The following SMURF2 variants were observed in gnomAD, a reference collection of about 807,000 sequenced individuals.
SMURF2 encodes the protein E3 ubiquitin-protein ligase SMURF2.
In SMURF2, 48 loss-of-function variants were observed where a neutral mutation model predicts 109.6. That is an observed-to-expected ratio of 0.44 (90% CI 0.35 to 0.56). The LOEUF is 0.56. Among genes scored for constraint, SMURF2 ranks in the 20% least tolerant of loss-of-function variants. The probability of loss-of-function intolerance (pLI) is 0.01; values close to 1 mark genes in which losing one functional copy is unlikely to be tolerated. For missense variants in SMURF2, 575 were observed against 909.0 expected (o/e 0.63, Z 4.72); for synonymous variants, 288 against 317.1 (o/e 0.91, Z 0.97).
rs144085396 is a variant in SMURF2 at position 64,549,341 on chromosome 17, G to C, written c.1870-1540C>G. ...GTGCACACCTGTAGTACCAGTTACT[G>C]GGGAGACTGAGGTAGGAGGATCACT... is the stretch of plus-strand genomic sequence containing the variant. On this transcript the variant is annotated intron_variant, in intron 16 of 18. Transcript: ENST00000262435. Among the ~76,000 whole-genome samples, 310 of 149,384 alleles carry C rather than the reference G, an allele frequency of 2.1e-3. 1 individual carries two copies. Among genetic ancestry groups the C allele is most frequent in the African/African-American group, 7.4e-3 (300 of 40,472 alleles).
intron 1 of SMURF2, among the ~76,000 whole-genome samples, chr17:64,660,102 T>C (rs1220608247): frequency 2.0e-5 from 3 of 152,214 alleles, no homozygotes. Flanking sequence ...TCATAGGCAG[T>C]ACGGAAACCA....
intron 10 of SMURF2, among the ~76,000 whole-genome samples, chr17:64,564,737 A>C (rs1223962292): frequency 6.6e-6 from 1 of 152,212 alleles, no homozygotes; most frequent in African/African-American, 2.4e-5. Flanking sequence ...CATGGAACAG[A>C]TTCTCTCTCA....
intron 1 of SMURF2, among the ~76,000 whole-genome samples, chr17:64,630,195 C>T (rs782116869): frequency 1.4e-4 from 21 of 151,764 alleles, no homozygotes; most frequent in Non-Finnish European, 2.6e-4. Flanking sequence ...GAGATCGCAC[C>T]ACTGTACTCC....
At chr17:64,552,696 C>CT (rs1218160951) in intron 15 of SMURF2, among the ~76,000 whole-genome samples, 87 of 152,122 alleles carry the variant, frequency 5.7e-4, no homozygotes, top group African/African-American at 2.0e-3. Flanking sequence ...CTCATTTGTT[C>CT]TTTTTTTATT....
At chr17:64,658,549 G>A (rs1164688927) in intron 1 of SMURF2, among the ~76,000 whole-genome samples, 1 of 152,034 alleles carries the variant, frequency 6.6e-6, no homozygotes, top group Non-Finnish European at 1.5e-5. Flanking sequence ...TATTGCCAAG[G>A]GCTTTGAAAT....
rs372103790 is a variant in SMURF2 at position 64,561,494 on chromosome 17, C to T, written c.1316+6G>A. On this transcript the variant is annotated splice_donor_region_variant and intron_variant, in intron 12 of 18. Transcript: ENST00000262435. ...ATATGTCATAAGCTGGCAAGCAAGT[C>T]CATACCTGGCAACGCCTCCATAGTC... is the stretch of plus-strand genomic sequence containing the variant. 1.1e-5 allele frequency: 18 copies of T among 1,599,358 alleles called. No homozygotes were observed. The African/African-American group carries it at 1.9e-4, about 17-fold the overall frequency.
intron 5 of SMURF2, among the ~76,000 whole-genome samples, chr17:64,589,050 G>C (rs1339051841): frequency 2.9e-4 from 44 of 152,100 alleles, no homozygotes; most frequent in Non-Finnish European, 1.5e-4. Context: ...TTCTGTTTTT[G>C]AATGACAAAA....
At chr17:64,560,357 C>T (rs1200234269) in intron 12 of SMURF2, among the ~76,000 whole-genome samples, 1 of 152,140 alleles carries the variant, frequency 6.6e-6, no homozygotes, top group African/African-American at 2.4e-5. Flanking sequence ...ACAAATTCCA[C>T]AGAAACTGTC....
At chr17:64,630,868 GGGAGTCCTT>G (rs1482391063) in intron 1 of SMURF2, among the ~76,000 whole-genome samples, 1 of 152,028 alleles carries the variant, frequency 6.6e-6, no homozygotes, top group Non-Finnish European at 1.5e-5. Context: ...ATTATCTCTA[GGGAGTCCTT>G]GAAAAGCAAC....
chr17:64,561,449 AT>A, intron 12 of SMURF2, 50 bp downstream of exon 12: 3 of 1,262,302 alleles, frequency 2.4e-6, no homozygotes, highest in Non-Finnish European at 3.4e-6. Context: ...AGTAGCTTAA[AT>A]TTGTAAGTAC....
At chr17:64,596,879 TAACTA>T (rs1239493700) in intron 3 of SMURF2, among the ~76,000 whole-genome samples, 20 of 152,064 alleles carry the variant, frequency 1.3e-4, no homozygotes, top group African/African-American at 4.6e-4. Flanking sequence ...GATAAATAGA[TAACTA>T]AACAAATGGG....
At chr17:64,556,023 C>CCTG in intron 13 of SMURF2, 25 bp from the exon 14 acceptor site, 1 of 1,533,814 alleles carries the variant, frequency 6.5e-7, no homozygotes, top group East Asian at 2.3e-5. Context: ...AGTATATATA[C>CCTG]TCGTTAGGCA....
Position 64,661,819 on chromosome 17 carries a change from C to A in SMURF2, c.52+10G>T, listed in dbSNP as rs1325876652. The A allele has an allele frequency of 2.5e-5, 30 of 1,221,504 alleles. No individual in the cohort carries two copies. The highest frequency in any genetic ancestry group is 3.0e-5 in the Non-Finnish European group (29 of 981,376). 75.7% of individuals were successfully genotyped at this position (1,221,504 alleles called of 1,614,324 possible). A position where few individuals can be genotyped will look rare whatever the true frequency, so the allele number is the denominator to read the frequency against. Reference sequence around the variant, plus strand: ...GCGGCTGCCCAGCCCGGCCCGCCGCCCCCCCTCACCTGTCAGGCGCAGCTT... The same window carrying A: ...GCGGCTGCCCAGCCCGGCCCGCCGCACCCCCTCACCTGTCAGGCGCAGCTT... On this transcript the variant is annotated intron_variant, in intron 1 of 18. Coordinates refer to ENST00000262435, the MANE Select transcript of SMURF2 (RefSeq NM_022739.4).
At chr17:64,594,055 T>C (rs1483451797) in intron 3 of SMURF2, 3 of 153,344 alleles carry the variant, frequency 2.0e-5, no homozygotes, top group Admixed American at 6.5e-5. Flanking sequence ...GCTTCTTTCC[T>C]GTATGCAGGC....
intron 1 of SMURF2, among the ~76,000 whole-genome samples, chr17:64,654,604 C>T (rs1197645187): frequency 1.3e-5 from 2 of 151,786 alleles, no homozygotes; most frequent in Admixed American, 6.6e-5. Flanking sequence ...CCGAGGCAAG[C>T]GGATCACCTG....
At chr17:64,566,508 A>C (rs1969303911) in intron 10 of SMURF2, among the ~76,000 whole-genome samples, 2 of 151,008 alleles carry the variant, frequency 1.3e-5, no homozygotes, top group Non-Finnish European at 2.9e-5. Flanking sequence ...TTAAGAAGAA[A>C]AAAACAAAAC....
Position 64,593,638 on chromosome 17 carries a change from T to A in SMURF2, c.201-65A>T, listed in dbSNP as rs1485797698. On this transcript the variant is annotated intron_variant, in intron 3 of 18. Transcript: ENST00000262435. Reference sequence around the variant, plus strand: ...CAGGCAGTTGGCGTAAAATTTTTCTTTTGTTCTTTTTATATTCTAAAGTTA... The same window carrying A: ...CAGGCAGTTGGCGTAAAATTTTTCTATTGTTCTTTTTATATTCTAAAGTTA... The A allele has an allele frequency of 1.0e-5, 14 of 1,384,514 alleles. No homozygotes were observed. The African/African-American group carries it at 2.0e-4, about 20-fold the overall frequency. 85.8% of individuals were successfully genotyped at this position (1,384,514 alleles called of 1,614,324 possible).
At chr17:64,639,576 C>CAAA (rs567006951) in intron 1 of SMURF2, among the ~76,000 whole-genome samples, 4 of 142,106 alleles carry the variant, frequency 2.8e-5, no homozygotes, top group African/African-American at 1.0e-4. Context: ...GACTCTGACT[C>CAAA]AAAAAAAAAA....
At chr17:64,561,950 T>C (rs1309678738) in intron 11 of SMURF2, among the ~76,000 whole-genome samples, 28 of 151,978 alleles carry the variant, frequency 1.8e-4, no homozygotes, top group Admixed American at 4.6e-4. Flanking sequence ...CAGTGAGCTA[T>C]GATCATGCCA....
Sources: gnomAD v4.1 joint callset for allele counts (sites outside exome capture counted in the v4.1 genomes callset) on GRCh38, gnomAD v4.1.1 for gene constraint, MANE v1.5 for transcripts, NCBI Gene and HGNC (gene_info 2026-07-23, HGNC 2026-07-21) for gene names.